Variants in FRAS1 observed in about 807,000 individuals in gnomAD.
The protein encoded by FRAS1 is Fraser extracellular matrix complex subunit 1.
A neutral mutation model predicts 435.2 loss-of-function variants in FRAS1; 290 were observed. That is an observed-to-expected ratio of 0.67 (90% CI 0.61 to 0.73). The LOEUF (loss-of-function observed/expected upper bound fraction) is 0.73, where lower values mean the gene tolerates loss of function less well. Ranked by LOEUF, FRAS1 falls within the 30% of genes least tolerant of loss-of-function variation. The pLI, the probability that FRAS1 is intolerant of heterozygous loss-of-function variation, is 0.00. For missense variants in FRAS1, 4,860 were observed against 5,001.5 expected (o/e 0.97, Z 0.85); for synonymous variants, 1,800 against 1,851.0 (o/e 0.97, Z 0.71).
chr4:78,312,787 G>A (rs186521662), intron 15 of FRAS1, among the ~76,000 whole-genome samples: 153 of 151,876 alleles, frequency 1.0e-3, no homozygotes, highest in Middle Eastern at 6.8e-3. Context: ...AGCCATGATC[G>A]TGCTGCTGCA....
Position 78,541,956 on chromosome 4 carries a change from C to T in FRAS1, c.*832C>T, listed in dbSNP as rs1329748951. 6.6e-6 allele frequency: 1 copy of T among 152,222 alleles called. No individual in the cohort carries two copies. The highest frequency in any genetic ancestry group is 1.5e-5 in the Non-Finnish European group (1 of 68,052). 9.4% of individuals were successfully genotyped at this position (152,222 alleles called of 1,614,324 possible). A position where few individuals can be genotyped will look rare whatever the true frequency, so the allele number is the denominator to read the frequency against. On this transcript the variant is annotated 3_prime_UTR_variant, in exon 74 of 74. Coordinates refer to ENST00000512123, the MANE Select transcript of FRAS1 (RefSeq NM_025074.7). ...GCGAAACAGGATCAATGTACTACGG[C>T]CTTTTAATTCAACATTGCCATAAAT...
At chr4:78,491,696 A>G (rs576150289) in intron 59 of FRAS1, among the ~76,000 whole-genome samples, 9 of 152,352 alleles carry the variant, frequency 5.9e-5, no homozygotes, top group Admixed American at 3.3e-4. Flanking sequence ...AGCCAATATC[A>G]TATTGAATGG....
chr4:78,211,584 C>T (rs1261884012), intron 2 of FRAS1, among the ~76,000 whole-genome samples: 1 of 152,192 alleles, frequency 6.6e-6, no homozygotes, highest in African/African-American at 2.4e-5. Context: ...ACCTGGACTA[C>T]CCAGCATGGG....
At chr4:78,096,641 G>A (rs1448415764) in intron 2 of FRAS1, among the ~76,000 whole-genome samples, 1 of 152,256 alleles carries the variant, frequency 6.6e-6, no homozygotes, top group Non-Finnish European at 1.5e-5. Flanking sequence ...GCTTGGGCTT[G>A]CACCCTCTGA....
At chr4:78,330,811 C>G (rs1020712952) in intron 18 of FRAS1, among the ~76,000 whole-genome samples, 1 of 152,232 alleles carries the variant, frequency 6.6e-6, no homozygotes, top group Non-Finnish European at 1.5e-5. Context: ...AATTTCGCCT[C>G]GGTCCTGTGG....
intron 23 of FRAS1, among the ~76,000 whole-genome samples, chr4:78,371,636 A>G (rs1165108456): frequency 6.6e-6 from 1 of 152,218 alleles, no homozygotes; most frequent in Non-Finnish European, 1.5e-5. Flanking sequence ...GTAGGATAAT[A>G]TAGAGAAAAA....
At chr4:78,438,516 G>A in intron 38 of FRAS1, 54 bp from the exon 39 acceptor site, 14 of 1,586,190 alleles carry the variant, frequency 8.8e-6, no homozygotes, top group Non-Finnish European at 1.2e-5. Flanking sequence ...GCTACTGGAA[G>A]TGTTTATTCC....
At chr4:78,502,015 A>G (rs141237085) in intron 61 of FRAS1, among the ~76,000 whole-genome samples, 1 of 152,146 alleles carries the variant, frequency 6.6e-6, no homozygotes, top group Admixed American at 6.5e-5. Flanking sequence ...TTTGTCAAAG[A>G]TCAGATGGTT....
rs750025518 is a variant in FRAS1, at chr4:78,407,689, C to G, written c.4156C>G (p.Pro1386Ala). ...GGAGGTGGTCCTTCTAGTGAATATG[C>G]CTGCAGACAGCCCTGCAGATGAAGG... Reference protein sequence around the residue: ...FGEVVLLVNMPADSPADEGQH... With the variant: ...FGEVVLLVNMAADSPADEGQH... The change falls in exon 31 of 74, where the codon CCT (proline) becomes GCT (alanine). Residue 1386 changes from proline to alanine, a missense_variant. Transcript: ENST00000512123. 1.1e-5 allele frequency: 17 copies of G among 1,613,024 alleles called. No individual in the cohort carries two copies. Among genetic ancestry groups the G allele is most frequent in the Non-Finnish European group, 8.5e-7 (1 of 1,179,516 alleles).
chr4:78,357,926 T>G (rs1730925208), intron 20 of FRAS1, among the ~76,000 whole-genome samples: 1 of 152,118 alleles, frequency 6.6e-6, no homozygotes, highest in Non-Finnish European at 1.5e-5. Flanking sequence ...CAATTTTTTT[T>G]CTTTCTATCT....
rs769907397 is a variant in FRAS1, at chr4:78,266,765, G to A, written c.688-69G>A. The A allele has an allele frequency of 8.1e-5, 96 of 1,178,016 alleles. 1 individual carries two copies. The highest frequency in any genetic ancestry group is 1.3e-4 in the South Asian group (10 of 76,192). 73.0% of individuals were successfully genotyped at this position (1,178,016 alleles called of 1,614,324 possible). A position where few individuals can be genotyped will look rare whatever the true frequency, so the allele number is the denominator to read the frequency against. ...ATGTAATGAAAATTGGGTGTCTTATGTGACAGTGCTTCTATTTGATGTATG... is the reference window on the plus strand; with the variant it reads ...ATGTAATGAAAATTGGGTGTCTTATATGACAGTGCTTCTATTTGATGTATG... On this transcript the variant is annotated intron_variant, in intron 7 of 73. Transcript: ENST00000512123.
At chr4:78,302,633 T>G (rs1728471454) in intron 14 of FRAS1, among the ~76,000 whole-genome samples, 1 of 152,224 alleles carries the variant, frequency 6.6e-6, no homozygotes, top group South Asian at 2.1e-4. Context: ...TCATGTGTCT[T>G]TTGGCTGCAT....
chr4:78,245,131 G>A (rs556709025), intron 3 of FRAS1, 102 bp from the exon 4 acceptor site: 11 of 795,374 alleles, frequency 1.4e-5, no homozygotes, highest in Non-Finnish European at 2.2e-5. Flanking sequence ...CCTCAGAAAC[G>A]CATGAGATTT....
rs565281112 is a variant in FRAS1, at chr4:78,363,560, G to T, written c.2470G>T (p.Gly824Trp). 2 of 1,613,312 alleles carry T rather than the reference G, an allele frequency of 1.2e-6. No homozygotes were observed. Among genetic ancestry groups the T allele is most frequent in the South Asian group, 2.2e-5 (2 of 90,816 alleles). The change falls in exon 21 of 74, where the codon GGG becomes TGG. Residue 824 changes from glycine (G) to tryptophan (W), a missense_variant. By Grantham distance (184) the Gly-to-Trp change is radical (BLOSUM62 -2). Transcript: ENST00000512123. ...QHCAADLHNT[G>W]SICLRCQNAH... Reference sequence around the variant, plus strand: ...CTGTGCAGCTGATCTCCACAACACTGGGAGCATCTGCCTCAGGTGCCAGAA... The same window carrying T: ...CTGTGCAGCTGATCTCCACAACACTTGGAGCATCTGCCTCAGGTGCCAGAA...
chr4:78,287,154 G>A (rs1045964743), intron 14 of FRAS1, among the ~76,000 whole-genome samples: 4 of 152,100 alleles, frequency 2.6e-5, no homozygotes, highest in Non-Finnish European at 4.4e-5. Flanking sequence ...TGGAGAGAGA[G>A]AGAGTGAGAG....
At chr4:78,246,871 C>G (rs1560601322) in intron 4 of FRAS1, among the ~76,000 whole-genome samples, 1 of 152,294 alleles carries the variant, frequency 6.6e-6, no homozygotes, top group East Asian at 1.9e-4. Context: ...TGTGTGTGCA[C>G]ATGTGCAGTC....
At chr4:78,336,035 T>TAAAA in intron 19 of FRAS1, among the ~76,000 whole-genome samples, 1 of 152,046 alleles carries the variant, frequency 6.6e-6, no homozygotes. Context: ...ATTACATGAA[T>TAAAA]TTCTGGAGTC....
chr4:78,252,994 G>A (rs1483852513), intron 5 of FRAS1, among the ~76,000 whole-genome samples: 6 of 152,066 alleles, frequency 3.9e-5, no homozygotes, highest in East Asian at 1.9e-4. Flanking sequence ...AAAATTTACC[G>A]GGCTGGAATT....
intron 19 of FRAS1, among the ~76,000 whole-genome samples, chr4:78,335,804 A>T (rs181283475): frequency 5.3e-5 from 8 of 152,246 alleles, no homozygotes; most frequent in Admixed American, 5.2e-4. Flanking sequence ...TTTTAGTGAC[A>T]GAGATTTTGA....
Sources: gnomAD v4.1 joint callset for allele counts (sites outside exome capture counted in the v4.1 genomes callset) on GRCh38, gnomAD v4.1.1 for gene constraint, MANE v1.5 for transcripts, NCBI Gene and HGNC (gene_info 2026-07-23, HGNC 2026-07-21) for gene names.